DIAPH3: variants seen among roughly 807,000 people sequenced by gnomAD.
DIAPH3 encodes the protein protein diaphanous homolog 3.
A neutral mutation model predicts 144.3 loss-of-function variants in DIAPH3; 117 were observed. The observed-to-expected ratio is 0.81, with a 90% CI of 0.70 to 0.95. DIAPH3 has a LOEUF of 0.95. DIAPH3 is among the 40% of genes least tolerant of loss of function. The probability of loss-of-function intolerance (pLI) is 0.00; values close to 1 mark genes in which losing one functional copy is unlikely to be tolerated. For missense variants in DIAPH3, 1,421 were observed against 1,412.7 expected (o/e 1.01, Z -0.09); for synonymous variants, 519 against 488.9 (o/e 1.06, Z -0.81).
intron 23 of DIAPH3, chr13:59,838,148 T>A (rs918581079): frequency 6.6e-6 from 1 of 152,162 alleles, no homozygotes; most frequent in Non-Finnish European, 1.5e-5. Context: ...TTATCTTTCA[T>A]ACAGAATTCA....
At chr13:59,792,670 C>A (rs554909683) in intron 25 of DIAPH3, among the ~76,000 whole-genome samples, 90 of 152,222 alleles carry the variant, frequency 5.9e-4, no homozygotes, top group Non-Finnish European at 5.4e-4. Context: ...TGTCATCTAC[C>A]CATGAAAATC....
chr13:59,997,387 T>C (rs545758312), intron 9 of DIAPH3, among the ~76,000 whole-genome samples: 1 of 152,128 alleles, frequency 6.6e-6, no homozygotes, highest in Non-Finnish European at 1.5e-5. Context: ...TCGTTCCTTT[T>C]TATGGCTGAA....
In DIAPH3 at chr13:60,132,998, TA is replaced by T. The variant is rs759699441; in HGVS notation, c.181-10del. Reference sequence around the variant, plus strand: ...GTCCTAATATTTAAATGCTGCAAATTAAAAAAAAGCAATCATATTAGTAATT... The same window carrying T: ...GTCCTAATATTTAAATGCTGCAAATTAAAAAAAGCAATCATATTAGTAATT... On this transcript the variant is annotated splice_polypyrimidine_tract_variant and intron_variant, in intron 1 of 27. Transcript: ENST00000400324. 2.8e-5 allele frequency: 44 copies of T among 1,595,788 alleles called. No individual in the cohort carries two copies. Among genetic ancestry groups the T allele is most frequent in the Non-Finnish European group, 3.3e-5 (39 of 1,166,148 alleles).
At chr13:59,714,088 C>T (rs535930063) in intron 27 of DIAPH3, among the ~76,000 whole-genome samples, 25 of 152,138 alleles carry the variant, frequency 1.6e-4, no homozygotes, top group Admixed American at 7.2e-4. Context: ...GGGCCGGGCG[C>T]GGTGGCTCAC....
At chr13:60,020,990 C>G (rs1202062545) in intron 5 of DIAPH3, 1 of 152,138 alleles carries the variant, frequency 6.6e-6, no homozygotes, top group Non-Finnish European at 1.5e-5. Context: ...AAAGCTGTAT[C>G]AGAGATAAAA....
intron 20 of DIAPH3, among the ~76,000 whole-genome samples, chr13:59,909,067 G>A (rs1215093789): frequency 1.3e-5 from 2 of 152,104 alleles, no homozygotes; most frequent in Admixed American, 1.3e-4. Flanking sequence ...GAAATCTGGA[G>A]TTTAATTCAC....
chr13:59,778,916 T>C (rs1428138025), intron 25 of DIAPH3, among the ~76,000 whole-genome samples: 1 of 152,202 alleles, frequency 6.6e-6, no homozygotes, highest in Non-Finnish European at 1.5e-5. Context: ...AACTCTTTTT[T>C]TCATTTTTAT....
chr13:60,047,607 A>G (rs1262141448), intron 4 of DIAPH3, among the ~76,000 whole-genome samples: 1 of 152,188 alleles, frequency 6.6e-6, no homozygotes, highest in Non-Finnish European at 1.5e-5. Flanking sequence ...GAACAATTGG[A>G]CTTTCATATG....
chr13:59,732,960 G>A (rs1205900711), intron 27 of DIAPH3, among the ~76,000 whole-genome samples: 3 of 152,098 alleles, frequency 2.0e-5, no homozygotes, highest in Admixed American at 6.6e-5. Context: ...GGTAGAAGTC[G>A]TGAAATTTTT....
intron 5 of DIAPH3, among the ~76,000 whole-genome samples, chr13:60,021,858 C>A (rs1594374337): frequency 1.3e-5 from 2 of 152,026 alleles, no homozygotes; most frequent in Non-Finnish European, 2.9e-5. Flanking sequence ...CTGCCAATAA[C>A]CCAAATGGAC....
chr13:59,677,563 A>G (rs1483620157), intron 27 of DIAPH3, among the ~76,000 whole-genome samples: 4 of 152,146 alleles, frequency 2.6e-5, no homozygotes, highest in Non-Finnish European at 5.9e-5. Flanking sequence ...TCAAATGTGT[A>G]TTTCATACTT....
intron 17 of DIAPH3, among the ~76,000 whole-genome samples, chr13:59,948,838 AAAGAAGGAAGGAAGG>A (rs1366411317): frequency 8.3e-5 from 12 of 143,778 alleles, no homozygotes; most frequent in Non-Finnish European, 1.7e-4. Flanking sequence ...ACATAAAAAG[AAAGAAGGAAGGAAGG>A]AAGGAAGGAA....
chr13:60,115,847 C>A (rs2058690537), intron 2 of DIAPH3, among the ~76,000 whole-genome samples: 1 of 151,882 alleles, frequency 6.6e-6, no homozygotes, highest in African/African-American at 2.4e-5. Flanking sequence ...CAATATATTT[C>A]TTTGAAAAAA....
chr13:59,690,403 C>T (rs2033447290), intron 27 of DIAPH3, among the ~76,000 whole-genome samples: 1 of 152,118 alleles, frequency 6.6e-6, no homozygotes, highest in African/African-American at 2.4e-5. Flanking sequence ...AGCCATCCTG[C>T]TCTTGTCACT....
At chr13:60,050,667 CT>C (rs2056295275) in intron 4 of DIAPH3, among the ~76,000 whole-genome samples, 1 of 152,114 alleles carries the variant, frequency 6.6e-6, no homozygotes, top group East Asian at 1.9e-4. Flanking sequence ...ATGCCATCCC[CT>C]GATAGGATCT....
At chr13:59,825,259 T>C (rs1166340945) in intron 24 of DIAPH3, among the ~76,000 whole-genome samples, 1 of 152,056 alleles carries the variant, frequency 6.6e-6, no homozygotes, top group African/African-American at 2.4e-5. Context: ...CATTGTTCAA[T>C]TCCCACCTAC....
chr13:60,015,364 G>C (rs1408352833), intron 7 of DIAPH3, among the ~76,000 whole-genome samples: 1 of 152,016 alleles, frequency 6.6e-6, no homozygotes, highest in African/African-American at 2.4e-5. Flanking sequence ...AATATTACTT[G>C]GGTTAAGCCT....
At chr13:60,077,185 C>T (rs1346527371) in intron 4 of DIAPH3, among the ~76,000 whole-genome samples, 1 of 151,676 alleles carries the variant, frequency 6.6e-6, no homozygotes, top group Non-Finnish European at 1.5e-5. Context: ...ATTACTGAAA[C>T]AACCTTTGTG....
intron 27 of DIAPH3, among the ~76,000 whole-genome samples, chr13:59,728,184 G>C (rs1219177534): frequency 1.3e-5 from 2 of 151,852 alleles, no homozygotes; most frequent in Non-Finnish European, 2.9e-5. Flanking sequence ...GTAGTATCTG[G>C]TAAGGCTAGA....
Sources: allele counts gnomAD v4.1 joint callset (sites outside exome capture counted in the v4.1 genomes callset), GRCh38; gene constraint gnomAD v4.1.1; transcripts MANE v1.5; gene names NCBI Gene and HGNC (gene_info 2026-07-23, HGNC 2026-07-21).